The following ADGRB3 variants were observed in gnomAD, a reference collection of about 807,000 sequenced individuals.
The protein encoded by ADGRB3 is adhesion G protein-coupled receptor B3, also known as brain-specific angiogenesis inhibitor 3.
A neutral mutation model predicts 193.4 loss-of-function variants in ADGRB3; 37 were observed. That is an observed-to-expected ratio of 0.19 (90% CI 0.15 to 0.25). The LOEUF (loss-of-function observed/expected upper bound fraction) is 0.25. ADGRB3 is among the 10% of genes least tolerant of loss of function. ADGRB3 has a pLI of 1.00. For missense variants in ADGRB3, 1,637 were observed against 1,852.9 expected (o/e 0.88, Z 2.14); for synonymous variants, 690 against 644.2 (o/e 1.07, Z -1.08).
intron 3 of ADGRB3, among the ~76,000 whole-genome samples, chr6:68,687,318 T>A (rs1765000102): frequency 6.6e-6 from 1 of 152,146 alleles, no homozygotes. Flanking sequence ...CACATGCTCA[T>A]ATTTTATATA....
At chr6:68,733,671 G>A (rs1172259376) in intron 3 of ADGRB3, among the ~76,000 whole-genome samples, 2 of 145,812 alleles carry the variant, frequency 1.4e-5, no homozygotes, top group African/African-American at 5.1e-5. Context: ...AGTGGGGTTT[G>A]GAGGGCAGTG....
intron 20 of ADGRB3, among the ~76,000 whole-genome samples, chr6:69,291,141 T>A (rs1767656704): frequency 6.6e-6 from 1 of 152,152 alleles, no homozygotes; most frequent in South Asian, 2.1e-4. Context: ...ATTTTTTTCA[T>A]TTGCTTTGCT....
chr6:68,776,884 A>G (rs1766758021), intron 3 of ADGRB3, among the ~76,000 whole-genome samples: 1 of 152,154 alleles, frequency 6.6e-6, no homozygotes, highest in African/African-American at 2.4e-5. Flanking sequence ...TTTCATAACT[A>G]AGCAAAATTC....
At position 69,143,681 on chromosome 6, in the gene ADGRB3, G is replaced by T. The variant is rs1229830094; in HGVS notation, c.2480+67643G>T. 2.0e-5 allele frequency among the ~76,000 whole-genome samples: 3 copies of T among 152,230 alleles called. No individual in the cohort carries two copies. In the South Asian group the frequency reaches 6.2e-4, roughly 32 times the overall value. On this transcript the variant is annotated intron_variant, in intron 17 of 31. Transcript: ENST00000370598. ...TATTCTTGGCACCTTTGTGGTAAAT[G>T]AGTTCACTATAGTTGTATGGATTTT...
rs191774787 is a variant in ADGRB3, at chr6:68,988,259, C to T, written c.1735-5509C>T. 2.1e-3 allele frequency among the ~76,000 whole-genome samples: 323 copies of T among 152,194 alleles called. 1 individual carries two copies. Among genetic ancestry groups the T allele is most frequent in the African/African-American group, 7.5e-3 (312 of 41,552 alleles). On this transcript the variant is annotated intron_variant, in intron 10 of 31. Coordinates refer to ENST00000370598, the MANE Select transcript of ADGRB3 (RefSeq NM_001704.3). ...AGTAATATAAGATACAGCAAGATTA[C>T]TTCTATGAGCCTGAAAATAGAGATC... is the stretch of plus-strand genomic sequence containing the variant.
chr6:69,051,299 TTAA>T (rs1287246815), intron 15 of ADGRB3, among the ~76,000 whole-genome samples: 2 of 152,190 alleles, frequency 1.3e-5, no homozygotes, highest in Non-Finnish European at 2.9e-5. Flanking sequence ...CTGACTTTTT[TTAA>T]TAAGTAAAAT....
chr6:69,077,039 C>T (rs9454685), intron 17 of ADGRB3, among the ~76,000 whole-genome samples: 38,320 of 151,744 alleles, frequency 0.25, 5,142 homozygotes, highest in African/African-American at 0.3. Context: ...ATTTAAATTA[C>T]AATTAATATT....
intron 23 of ADGRB3, chr6:69,332,182 CTA>C: frequency 1.0e-6 from 1 of 985,326 alleles, no homozygotes; most frequent in Non-Finnish European, 1.2e-6. Flanking sequence ...AAATAGACAT[CTA>C]TGCAGTTTTT....
intron 17 of ADGRB3, among the ~76,000 whole-genome samples, chr6:69,175,925 T>G (rs1344181304): frequency 6.6e-6 from 1 of 152,132 alleles, no homozygotes; most frequent in East Asian, 1.9e-4. Context: ...CTTGATTTGG[T>G]TCTTAACATG....
chr6:69,097,767 A>G (rs9454691), intron 17 of ADGRB3, among the ~76,000 whole-genome samples: 39,542 of 151,910 alleles, frequency 0.26, 5,518 homozygotes, highest in African/African-American at 0.32. Context: ...GACATATCAA[A>G]CACTTTGGAA....
At chr6:69,099,552 C>G (rs1017457364) in intron 17 of ADGRB3, among the ~76,000 whole-genome samples, 1 of 152,186 alleles carries the variant, frequency 6.6e-6, no homozygotes, top group Non-Finnish European at 1.5e-5. Flanking sequence ...CTAGGGAAGC[C>G]TTGGTCCTTT....
chr6:68,722,032 A>C (rs185707343), intron 3 of ADGRB3, among the ~76,000 whole-genome samples: 1 of 151,588 alleles, frequency 6.6e-6, no homozygotes, highest in Non-Finnish European at 1.5e-5. Context: ...TTGTGTCTAC[A>C]TTATTCATGT....
chr6:69,022,956 T>C (rs953626875), intron 13 of ADGRB3, among the ~76,000 whole-genome samples: 6 of 152,048 alleles, frequency 3.9e-5, no homozygotes, highest in Admixed American at 3.9e-4. Flanking sequence ...TATATTTTTA[T>C]ATATTTTTCA....
chr6:68,974,756 A>G lies in ADGRB3; in HGVS notation c.1526-7A>G, dbSNP rs1768692479. 1 of 1,611,800 alleles carries G rather than the reference A, an allele frequency of 6.2e-7. No homozygotes were observed. The highest frequency in any genetic ancestry group is 2.2e-5 in the East Asian group (1 of 44,872). On this transcript the variant is annotated splice_polypyrimidine_tract_variant and splice_region_variant and intron_variant, in intron 8 of 31. Coordinates refer to ENST00000370598, the MANE Select transcript of ADGRB3 (RefSeq NM_001704.3). ...TGACATTCAAGTCCCTTTGTTTAAA[A>G]TTGCAGCACCTTATGAAATATGCCC...
chr6:69,132,897 G>A (rs1774050365), intron 17 of ADGRB3, among the ~76,000 whole-genome samples: 1 of 152,112 alleles, frequency 6.6e-6, no homozygotes, highest in Non-Finnish European at 1.5e-5. Context: ...TTTCCCCATT[G>A]CTTGTTTTTG....
intron 17 of ADGRB3, among the ~76,000 whole-genome samples, chr6:69,159,640 AT>A (rs1206441394): frequency 6.6e-6 from 1 of 152,134 alleles, no homozygotes; most frequent in Non-Finnish European, 1.5e-5. Flanking sequence ...TAATGATTAT[AT>A]ACATTTGTTC....
chr6:68,751,532 A>G (rs779509998), intron 3 of ADGRB3, among the ~76,000 whole-genome samples: 3 of 152,236 alleles, frequency 2.0e-5, no homozygotes, highest in African/African-American at 4.8e-5. Flanking sequence ...AATTATTATT[A>G]TGCAAATGGT....
At chr6:69,257,436 G>T (rs1380432505) in intron 20 of ADGRB3, among the ~76,000 whole-genome samples, 1 of 152,194 alleles carries the variant, frequency 6.6e-6, no homozygotes, top group Non-Finnish European at 1.5e-5. Flanking sequence ...TCTTGGGAGA[G>T]TGTATGTGTC....
chr6:69,308,912 T>C (rs766805891), intron 20 of ADGRB3, among the ~76,000 whole-genome samples: 4 of 151,656 alleles, frequency 2.6e-5, no homozygotes, highest in Non-Finnish European at 4.4e-5. Flanking sequence ...TGGCAGGAAC[T>C]TAATCATATG....
Sources: gnomAD v4.1 joint callset for allele counts (sites outside exome capture counted in the v4.1 genomes callset) on GRCh38, gnomAD v4.1.1 for gene constraint, MANE v1.5 for transcripts, NCBI Gene and HGNC (gene_info 2026-07-23, HGNC 2026-07-21) for gene names.